TBX5: variants seen among roughly 807,000 people sequenced by gnomAD.
TBX5 encodes the protein T-box transcription factor TBX5.
A neutral mutation model predicts 51.1 loss-of-function variants in TBX5; 8 were observed. The observed-to-expected ratio is 0.16, with a 90% CI of 0.09 to 0.28. The LOEUF is 0.28. TBX5 is among the 10% of genes least tolerant of loss of function. TBX5 has a pLI of 1.00. For missense variants in TBX5, 589 were observed against 671.7 expected, an observed-to-expected ratio of 0.88 and a Z score of 1.36; for synonymous variants, 302 against 266.4, an observed-to-expected ratio of 1.13 and a Z score of -1.30.
In TBX5 at chr12:114,399,638, A is replaced by T. The variant is rs775101163; in HGVS notation, c.243-6T>A. ...TGTAACTGGGAAACATCCGCCTAAG[A>T]GAGAGGGACGGAGGGAGAGAGGGGG... On this transcript the variant is annotated splice_polypyrimidine_tract_variant and splice_region_variant and intron_variant, in intron 3 of 8. Coordinates refer to ENST00000405440, the MANE Select transcript of TBX5 (RefSeq NM_181486.4). The T allele has an allele frequency of 6.2e-7, 1 of 1,614,108 alleles. No individual in the cohort carries two copies. The highest frequency in any genetic ancestry group is 1.7e-5 in the Admixed American group (1 of 60,026).
chr12:114,403,645 G>A, intron 2 of TBX5, 107 bp downstream of exon 2: 1 of 1,496,268 alleles, frequency 6.7e-7, no homozygotes, highest in Non-Finnish European at 8.9e-7. Context: ...TCGTTTTGGG[G>A]TTTTTTTATT....
At position 114,370,312 on chromosome 12, in the gene TBX5, G is replaced by C. The variant is rs28593026; in HGVS notation, c.756-3921C>G. ...AGAAAGAAAAGAAAAGAAAAGAAAA[G>C]AAAGAAAAGAAAAGAAAAGAGAAAA... On this transcript the variant is annotated intron_variant, in intron 7 of 8. Transcript: ENST00000405440. 2.3e-3 allele frequency among the ~76,000 whole-genome samples: 272 copies of C among 117,808 alleles called. 6 individuals are homozygous for C. Among genetic ancestry groups the C allele is most frequent in the African/African-American group, 7.3e-3 (212 of 29,086 alleles). 77.3% of individuals were successfully genotyped at this position (117,808 alleles called of 152,430 possible). A position where few individuals can be genotyped will look rare whatever the true frequency, so the allele number is the denominator to read the frequency against.
At chr12:114,406,696 C>A (rs1032453534), upstream of TBX5, among the ~76,000 whole-genome samples, 5 of 152,138 alleles carry the variant, frequency 3.3e-5, no homozygotes, top group Non-Finnish European at 5.9e-5. Flanking sequence ...CGGGCCCTCA[C>A]CCCCCACCCA....
intron 8 of TBX5, among the ~76,000 whole-genome samples, chr12:114,359,378 T>C (rs1031126523): frequency 6.6e-6 from 1 of 152,202 alleles, no homozygotes; most frequent in Non-Finnish European, 1.5e-5. Flanking sequence ...TTTTTTCTCT[T>C]CTTTGAGAGC....
chr12:114,406,287 A>G (rs541915894), upstream of TBX5, among the ~76,000 whole-genome samples: 3 of 147,674 alleles, frequency 2.0e-5, no homozygotes, highest in East Asian at 6.0e-4. Flanking sequence ...GACTCTCAAC[A>G]CAGACCTGCA....
At position 114,385,553 on chromosome 12, in the gene TBX5, C is replaced by T. The variant is rs1447771164; in HGVS notation, c.678G>A (p.Lys226=). 1 of 1,614,138 alleles carries T rather than the reference C, an allele frequency of 6.2e-7. No individual in the cohort carries two copies. Among genetic ancestry groups the T allele is most frequent in the Non-Finnish European group, 8.5e-7 (1 of 1,180,000 alleles). Residue 226 remains lysine (K), a synonymous_variant, in exon 7 of 9, where the codon AAG becomes AAA. Coordinates refer to ENST00000405440, the MANE Select transcript of TBX5 (RefSeq NM_181486.4). ...CTTTGGCAAAGGGATTATTCTCAAT[C>T]TTTAATTGCGTGATCTGAAGGAAAG... ...SYQNHKITQL[K]IENNPFAKGF...
At chr12:114,406,941 G>A (rs1236342716), upstream of TBX5, 1 of 591,472 alleles carries the variant, frequency 1.7e-6, no homozygotes, top group East Asian at 1.4e-4. Flanking sequence ...TTGGGACACC[G>A]AATATTGGTG....
At position 114,355,565 on chromosome 12, in the gene TBX5, A is replaced by G. The variant is rs1593835855; in HGVS notation, c.1524T>C (p.Val508=). The G allele has an allele frequency of 1.9e-6, 3 of 1,614,106 alleles. No homozygotes were observed. Among genetic ancestry groups the G allele is most frequent in the Non-Finnish European group, 2.5e-6 (3 of 1,180,038 alleles). Residue 508 remains valine (V), a synonymous_variant, in exon 9 of 9, where the codon GTT becomes GTC. Transcript: ENST00000405440. The part of the protein sequence containing the change: ...SPHQYHSVHG[V]GMVPEWSDNS ...TGTCGCTCCACTCTGGCACCATGCCAACTCCGTGCACAGAGTGGTACTGAT... is the reference window on the plus strand; with the variant it reads ...TGTCGCTCCACTCTGGCACCATGCCGACTCCGTGCACAGAGTGGTACTGAT...
intron 6 of TBX5, among the ~76,000 whole-genome samples, chr12:114,387,773 A>G (rs1272093217): frequency 1.3e-5 from 2 of 152,156 alleles, no homozygotes; most frequent in African/African-American, 4.8e-5. Flanking sequence ...GAGAAGCTAT[A>G]GGGGAAATCT....
At chr12:114,361,073 A>G (rs1021991967) in intron 8 of TBX5, among the ~76,000 whole-genome samples, 1 of 152,166 alleles carries the variant, frequency 6.6e-6, no homozygotes, top group Non-Finnish European at 1.5e-5. Context: ...TCCATTATAC[A>G]TTAAGTGCTC....
intron 7 of TBX5, among the ~76,000 whole-genome samples, chr12:114,375,600 C>T (rs1463696467): frequency 6.6e-6 from 1 of 152,158 alleles, no homozygotes; most frequent in African/African-American, 2.4e-5. Flanking sequence ...TCACCTTACA[C>T]CTGTTAGGAT....
At chr12:114,403,114 C>T (rs1373140189) in intron 2 of TBX5, among the ~76,000 whole-genome samples, 1 of 152,270 alleles carries the variant, frequency 6.6e-6, no homozygotes, top group South Asian at 2.1e-4. Context: ...CCTCCCTCTG[C>T]CTGGGCCCAG....
At chr12:114,376,276 C>T (rs900517792) in intron 7 of TBX5, among the ~76,000 whole-genome samples, 55 of 118,874 alleles carry the variant, frequency 4.6e-4, no homozygotes, top group Non-Finnish European at 6.8e-4. Context: ...TATATATATA[C>T]ACACACACAC....
At chr12:114,357,432 C>T (rs571797098) in intron 8 of TBX5, among the ~76,000 whole-genome samples, 1 of 152,334 alleles carries the variant, frequency 6.6e-6, no homozygotes, top group East Asian at 1.9e-4. Flanking sequence ...GAAGCCTAGA[C>T]ATGTCTGGAT....
chr12:114,396,130 T>C (rs907074136), intron 5 of TBX5, among the ~76,000 whole-genome samples: 1 of 152,118 alleles, frequency 6.6e-6, no homozygotes, highest in East Asian at 1.9e-4. Context: ...GTGGAGGTAG[T>C]TGGGGGAGGC....
chr12:114,391,930 G>A (rs1460113578), intron 6 of TBX5, among the ~76,000 whole-genome samples: 1 of 152,156 alleles, frequency 6.6e-6, no homozygotes, highest in Non-Finnish European at 1.5e-5. Context: ...AGAAGTGGGG[G>A]AGGGTAACAG....
chr12:114,362,601 C>A (rs951527990), intron 8 of TBX5, among the ~76,000 whole-genome samples: 7 of 152,234 alleles, frequency 4.6e-5, no homozygotes, highest in African/African-American at 1.7e-4. Flanking sequence ...TAGACTGACA[C>A]TCCAGTTTGA....
Position 114,406,055 on chromosome 12 carries a change from ACTCTCTCTCC to A in TBX5, c.-476_-467del. 1.0e-6 allele frequency: 1 copy of A among 978,434 alleles called. No individual in the cohort carries two copies. The highest frequency in any genetic ancestry group is 1.8e-5 in the African/African-American group (1 of 55,318). 60.6% of individuals were successfully genotyped at this position (978,434 alleles called of 1,614,324 possible). ...TTCGAGGTAAGAGTCAGTCTCTCTC[ACTCTCTCTCC>A]CTCTCTCTCTCTCTCTGAAATACAA... On this transcript the variant is annotated 5_prime_UTR_variant, in exon 1 of 9. Coordinates refer to ENST00000405440, the MANE Select transcript of TBX5 (RefSeq NM_181486.4).
chr12:114,367,729 G>A (rs1413678081), intron 7 of TBX5, among the ~76,000 whole-genome samples: 1 of 152,168 alleles, frequency 6.6e-6, no homozygotes, highest in Non-Finnish European at 1.5e-5. Context: ...GTATGTGAGA[G>A]AAGAAGAGCT....
Sources: gnomAD v4.1 joint callset for allele counts (sites outside exome capture counted in the v4.1 genomes callset) on GRCh38, gnomAD v4.1.1 for gene constraint, MANE v1.5 for transcripts, NCBI Gene and HGNC (gene_info 2026-07-23, HGNC 2026-07-21) for gene names.